The following ARHGEF10 variants were observed in gnomAD, a reference collection of about 807,000 sequenced individuals.
ARHGEF10 encodes the protein Rho guanine nucleotide exchange factor 10.
ARHGEF10 carries 140 observed loss-of-function variants against 147.4 expected under a neutral mutation model. That is an observed-to-expected ratio of 0.95 (90% CI 0.83 to 1.09). The LOEUF is 1.09. Among genes scored for constraint, ARHGEF10 ranks in the 50% least tolerant of loss-of-function variants. The pLI, the probability that ARHGEF10 is intolerant of heterozygous loss-of-function variation, is 0.00. For synonymous variants in ARHGEF10, 902 were observed against 695.8 expected (o/e 1.30, Z -4.67); for missense variants, 2,222 against 1,752.7 (o/e 1.27, Z -4.78).
intron 11 of ARHGEF10, among the ~76,000 whole-genome samples, chr8:1,888,146 T>A (rs796460994): frequency 5.7e-5 from 2 of 35,298 alleles, no homozygotes; most frequent in Non-Finnish European, 1.2e-4. Context: ...AGGAGACACT[T>A]AGTGGGGCGA....
At chr8:1,906,268 A>C (rs924646880) in intron 17 of ARHGEF10, among the ~76,000 whole-genome samples, 2 of 152,216 alleles carry the variant, frequency 1.3e-5, no homozygotes, top group Non-Finnish European at 2.9e-5. Context: ...TATAAAGTTA[A>C]CTATAACACT....
At position 1,905,974 on chromosome 8, in the gene ARHGEF10, A is replaced by G. The variant is rs17829826; in HGVS notation, c.1967+258A>G. Among the ~76,000 whole-genome samples, 877 of 152,342 alleles carry G rather than the reference A, an allele frequency of 5.8e-3. 10 individuals are homozygous for G. The highest frequency in any genetic ancestry group is 0.028 in the East Asian group (148 of 5,194). Reference sequence around the variant, plus strand: ...TAAACAGGGCTGATGGCGGAACTAGAAACTCAATTGAATTTCTTCATAACC... The same window carrying G: ...TAAACAGGGCTGATGGCGGAACTAGGAACTCAATTGAATTTCTTCATAACC... On this transcript the variant is annotated intron_variant, in intron 17 of 28. Coordinates refer to ENST00000349830, the MANE Select transcript of ARHGEF10 (RefSeq NM_014629.4).
intron 26 of ARHGEF10, chr8:1,943,605 A>G (rs2129269112): frequency 6.6e-6 from 1 of 152,264 alleles, no homozygotes; most frequent in South Asian, 2.1e-4. Context: ...GTTCATAAAA[A>G]CACTTGGGAT....
intron 16 of ARHGEF10, chr8:1,904,348 A>C (rs185427036): frequency 1.3e-5 from 2 of 152,344 alleles, no homozygotes; most frequent in East Asian, 3.9e-4. Flanking sequence ...ATTGCATCTA[A>C]TATTCATTAT....
chr8:1,900,448 C>G (rs908799318), intron 15 of ARHGEF10, among the ~76,000 whole-genome samples: 1 of 152,024 alleles, frequency 6.6e-6, no homozygotes, highest in African/African-American at 2.4e-5. Flanking sequence ...TGACACAGCC[C>G]GACAGATGTG....
rs755224490 is a variant in ARHGEF10, at chr8:1,876,656, A to T, written c.765A>T (p.Glu255Asp). 6.2e-7 allele frequency: 1 copy of T among 1,614,198 alleles called. No homozygotes were observed. Among genetic ancestry groups the T allele is most frequent in the Non-Finnish European group, 8.5e-7 (1 of 1,180,032 alleles). Residue 255 changes from glutamate (E) to aspartate (D), a missense_variant, in exon 8 of 29, where the codon GAA becomes GAT. Transcript: ENST00000349830. The part of the protein sequence containing the change: ...LEYGWSSSEF[E>D]SYEEQSDSEC... ...ACGGATGGAGTTCGAGTGAATTTGAAAGTTACGAAGAGCAGAGTGACTCGG... is the reference window on the plus strand; with the variant it reads ...ACGGATGGAGTTCGAGTGAATTTGATAGTTACGAAGAGCAGAGTGACTCGG...
At chr8:1,903,246 G>A (rs750906414) in intron 15 of ARHGEF10, 35 bp from the exon 16 acceptor site, 9 of 1,613,356 alleles carry the variant, frequency 5.6e-6, no homozygotes, top group South Asian at 4.4e-5. Flanking sequence ...GAGTGTCCAC[G>A]TGGTAACTGC....
chr8:1,833,389 GACAGGGGCAGA>G (rs1563150412), intron 1 of ARHGEF10, among the ~76,000 whole-genome samples: 6 of 144,798 alleles, frequency 4.1e-5, no homozygotes, highest in Non-Finnish European at 6.1e-5. Flanking sequence ...CAGGTGCAGC[GACAGGGGCAGA>G]GACAGAGACA....
At position 1,937,975 on chromosome 8, in the gene ARHGEF10, A is replaced by G. The variant is rs983726829; in HGVS notation, c.3222+4033A>G. Reference sequence around the variant, plus strand: ...CCGTCCCAGCTCTGGCGCCATAACAAAGCAGCACTGGGCGAACCAGTAGAG... The same window carrying G: ...CCGTCCCAGCTCTGGCGCCATAACAGAGCAGCACTGGGCGAACCAGTAGAG... On this transcript the variant is annotated intron_variant, in intron 26 of 28. Transcript: ENST00000349830. This position sits in a 1 kb window ranked among gnomAD's most constrained non-coding sequence, Gnocchi z 4.9. 2.5e-4 allele frequency among the ~76,000 whole-genome samples: 38 copies of G among 152,138 alleles called. No individual in the cohort carries two copies. The highest frequency in any genetic ancestry group is 8.9e-4 in the African/African-American group (37 of 41,422).
intron 13 of ARHGEF10, 27 bp downstream of exon 13, chr8:1,894,599 C>T (rs1809822011): frequency 6.2e-7 from 1 of 1,611,514 alleles, no homozygotes; most frequent in African/African-American, 1.3e-5. Context: ...ACCTGGATGT[C>T]CATGGGGCTC....
chr8:1,833,074 G>GA (rs1803324396), intron 1 of ARHGEF10, among the ~76,000 whole-genome samples: 1 of 5,248 alleles, frequency 1.9e-4, no homozygotes, highest in African/African-American at 9.7e-4. Context: ...AGAGACAGAG[G>GA]CAGAGAGACA....
chr8:1,842,247 G>A (rs796983901), intron 1 of ARHGEF10, among the ~76,000 whole-genome samples: 18 of 152,062 alleles, frequency 1.2e-4, no homozygotes, highest in African/African-American at 4.1e-4. Context: ...AGGAGGTGCC[G>A]CATCTGAGGT....
At chr8:1,907,756 A>T (rs1273507382) in intron 17 of ARHGEF10, among the ~76,000 whole-genome samples, 2 of 152,274 alleles carry the variant, frequency 1.3e-5, no homozygotes, top group African/African-American at 4.8e-5. Flanking sequence ...TTTTTTGCGA[A>T]GTGCAGTGGT....
At chr8:1,843,463 TG>T (rs1563164224) in intron 2 of ARHGEF10, 27 bp downstream of exon 2, 1 of 1,568,724 alleles carries the variant, frequency 6.4e-7, no homozygotes, top group African/African-American at 1.4e-5. Flanking sequence ...GGTGGGCCTG[TG>T]GGTCAGGTTG....
At chr8:1,931,066 C>G (rs969077443) in intron 25 of ARHGEF10, among the ~76,000 whole-genome samples, 1 of 152,222 alleles carries the variant, frequency 6.6e-6, no homozygotes, top group African/African-American at 2.4e-5. Context: ...CATTCCAGTC[C>G]TGCTTTGTCA....
intron 25 of ARHGEF10, among the ~76,000 whole-genome samples, chr8:1,929,657 G>A (rs1356873401): frequency 6.6e-6 from 1 of 152,126 alleles, no homozygotes; most frequent in African/African-American, 2.4e-5. Context: ...AAGTCAGTCT[G>A]CCCGTCTCCT....
intron 1 of ARHGEF10, among the ~76,000 whole-genome samples, chr8:1,840,152 G>T (rs1239813023): frequency 1.3e-4 from 18 of 135,092 alleles, no homozygotes; most frequent in Non-Finnish European, 2.0e-4. Flanking sequence ...CTGGTGTGGG[G>T]ACTGTCCGGT....
At chr8:1,842,167 G>T (rs1466088897) in intron 1 of ARHGEF10, among the ~76,000 whole-genome samples, 1 of 151,914 alleles carries the variant, frequency 6.6e-6, no homozygotes, top group Non-Finnish European at 1.5e-5. Context: ...AAGTCTGGGG[G>T]ATGGAGGGAG....
intron 25 of ARHGEF10, among the ~76,000 whole-genome samples, chr8:1,930,988 C>T (rs574366682): frequency 2.0e-5 from 3 of 152,390 alleles, no homozygotes; most frequent in East Asian, 3.9e-4. Flanking sequence ...GTCTGCACCC[C>T]CTCTTCACTT....
Sources: allele counts gnomAD v4.1 joint callset (sites outside exome capture counted in the v4.1 genomes callset), GRCh38; gene constraint gnomAD v4.1.1; non-coding constraint Gnocchi (gnomAD v3.1); transcripts MANE v1.5; gene names NCBI Gene and HGNC (gene_info 2026-07-23, HGNC 2026-07-21).